Variants in DIAPH2 observed in about 807,000 individuals in gnomAD.
DIAPH2 encodes diaphanous related formin 2, also known as protein diaphanous homolog 2.
Under a neutral mutation model 92.7 loss-of-function variants are expected in DIAPH2, and 35 were observed. The observed-to-expected ratio is 0.38, with a 90% confidence interval of 0.29 to 0.50. The LOEUF is 0.50. Ranked by LOEUF, DIAPH2 falls within the 20% of genes least tolerant of loss-of-function variation. The pLI is 0.94. For synonymous variants in DIAPH2, 301 were observed against 280.4 expected (o/e 1.07, Z -0.73); for missense variants, 701 against 819.5 (o/e 0.86, Z 1.77).
intron 22 of DIAPH2, among the ~76,000 whole-genome samples, chrX:97,146,340 T>C (rs1013457714): frequency 4.5e-5 from 5 of 110,101 alleles, no homozygotes; most frequent in Admixed American, 2.9e-4. Flanking sequence ...CAAAAGATTG[T>C]CTTTTTTTTT....
chrX:96,706,469 T>C (rs2147530030), intron 1 of DIAPH2, among the ~76,000 whole-genome samples: 1 of 111,957 alleles, frequency 8.9e-6, no homozygotes, highest in South Asian at 3.7e-4. Flanking sequence ...GCAGTGGTAC[T>C]AGGGATGGAG....
At chrX:97,048,089 C>G (rs1413496419) in intron 17 of DIAPH2, among the ~76,000 whole-genome samples, 1 of 110,827 alleles carries the variant, frequency 9.0e-6, no homozygotes, top group East Asian at 2.8e-4. Context: ...TAAATCATTT[C>G]AAACCTACAG....
Position 97,169,843 on chromosome X carries a change from G to C in DIAPH2, c.2719+28049G>C, listed in dbSNP as rs768019167. On this transcript the variant is annotated intron_variant, in intron 22 of 26. Transcript: ENST00000324765. ...TGATCGTGCCACTGCATTTCAGCCT[G>C]AGTGACAGAATGAGACTCTGTCTCA... Among the ~76,000 whole-genome samples the C allele has an allele frequency of 3.6e-5, 4 of 111,545 alleles. No individual in the cohort carries two copies. In the East Asian group the frequency reaches 1.1e-3, roughly 32 times the overall value.
intron 21 of DIAPH2, among the ~76,000 whole-genome samples, chrX:97,128,562 T>G (rs672995): frequency 0.2 from 22,542 of 110,639 alleles, 2,906 homozygotes; most frequent in African/African-American, 0.47. Context: ...GACCCCATCT[T>G]AACAAAAAAT....
At chrX:96,907,178 C>T (rs1293942551) in intron 5 of DIAPH2, among the ~76,000 whole-genome samples, 1 of 111,877 alleles carries the variant, frequency 8.9e-6, no homozygotes, top group Non-Finnish European at 1.9e-5. Context: ...ATAGTATAAG[C>T]TACATTTTGG....
chrX:96,964,049 G>A (rs995079768), intron 16 of DIAPH2, among the ~76,000 whole-genome samples: 2 of 110,663 alleles, frequency 1.8e-5, no homozygotes, highest in Non-Finnish European at 3.8e-5. Context: ...GTTTTAAAAG[G>A]TTATTATGTA....
intron 4 of DIAPH2, among the ~76,000 whole-genome samples, chrX:96,770,993 G>A (rs1375386397): frequency 1.8e-5 from 2 of 111,484 alleles, no homozygotes; most frequent in Non-Finnish European, 3.8e-5. Flanking sequence ...TTTGTTATTT[G>A]AATTTCCCTT....
At chrX:97,132,749 G>A (rs1311549933) in intron 21 of DIAPH2, among the ~76,000 whole-genome samples, 7 of 112,030 alleles carry the variant, frequency 6.2e-5, no homozygotes, top group Non-Finnish European at 1.3e-4. Context: ...AAGAAATAAA[G>A]TTGAATTATA....
At chrX:97,134,684 C>A (rs1302419449) in intron 21 of DIAPH2, among the ~76,000 whole-genome samples, 1 of 111,365 alleles carries the variant, frequency 9.0e-6, no homozygotes, top group Non-Finnish European at 1.9e-5. Context: ...AATAAAGTAG[C>A]AAATGCTCAT....
At chrX:96,884,483 C>T in intron 5 of DIAPH2, 2 of 1,211,438 alleles carry the variant, frequency 1.7e-6, no homozygotes, top group Non-Finnish European at 2.2e-6. Flanking sequence ...CTCAGCTCTA[C>T]TGTGTTTGAC....
intron 17 of DIAPH2, among the ~76,000 whole-genome samples, chrX:97,054,100 AT>A (rs2066539104): frequency 8.9e-6 from 1 of 112,161 alleles, no homozygotes; most frequent in African/African-American, 3.2e-5. Context: ...TAGATTAGCC[AT>A]TTTTAAGTGT....
At chrX:96,890,181 C>T (rs180741884) in intron 5 of DIAPH2, among the ~76,000 whole-genome samples, 25 of 110,498 alleles carry the variant, frequency 2.3e-4, no homozygotes, top group Non-Finnish European at 3.8e-4. Context: ...CTTGATCACT[C>T]CTCTGTGGTG....
intron 17 of DIAPH2, among the ~76,000 whole-genome samples, chrX:97,001,227 A>G (rs761676593): frequency 1.5e-4 from 17 of 112,190 alleles, no homozygotes; most frequent in African/African-American, 3.2e-5. Context: ...GTTTTGTTCA[A>G]GCTATTTCCT....
chrX:97,508,954 T>C (rs1307435545), intron 26 of DIAPH2, among the ~76,000 whole-genome samples: 1 of 105,368 alleles, frequency 9.5e-6, no homozygotes, highest in African/African-American at 3.4e-5. Flanking sequence ...ACAACAACAA[T>C]AACAACAACA....
intron 4 of DIAPH2, among the ~76,000 whole-genome samples, chrX:96,825,179 C>T (rs1341182076): frequency 9.4e-6 from 1 of 106,052 alleles, no homozygotes; most frequent in East Asian, 2.9e-4. Context: ...TGATCTTGAA[C>T]TGCTGACCTC....
chrX:97,291,091 A>G (rs2068586270), intron 23 of DIAPH2, among the ~76,000 whole-genome samples: 1 of 107,857 alleles, frequency 9.3e-6, no homozygotes, highest in African/African-American at 3.4e-5. Flanking sequence ...GCTCTGTCAA[A>G]AAAAAAACAA....
At chrX:96,817,753 G>A (rs1181034890) in intron 4 of DIAPH2, among the ~76,000 whole-genome samples, 1 of 109,069 alleles carries the variant, frequency 9.2e-6, no homozygotes, top group Non-Finnish European at 1.9e-5. Flanking sequence ...TAATAGGGGC[G>A]CTAATTCTAT....
At chrX:96,986,288 A>G (rs1025289818) in intron 17 of DIAPH2, among the ~76,000 whole-genome samples, 1 of 111,844 alleles carries the variant, frequency 8.9e-6, no homozygotes, top group African/African-American at 3.2e-5. Context: ...TTTAAATTTG[A>G]GTAATCAAAA....
At chrX:97,585,023 C>T (rs774058848) in intron 26 of DIAPH2, among the ~76,000 whole-genome samples, 1 of 112,047 alleles carries the variant, frequency 8.9e-6, no homozygotes, top group South Asian at 3.8e-4. Flanking sequence ...TTCAAATTAT[C>T]ATGAAACCTT....
Sources: allele counts gnomAD v4.1 joint callset (sites outside exome capture counted in the v4.1 genomes callset), GRCh38; gene constraint gnomAD v4.1.1; transcripts MANE v1.5; gene names NCBI Gene and HGNC (gene_info 2026-07-23, HGNC 2026-07-21).